The following NLRP6 variants were observed in gnomAD, a reference collection of about 807,000 sequenced individuals.
NLRP6 encodes the protein NACHT, LRR and PYD domains-containing protein 6.
NLRP6 carries 55 observed loss-of-function variants against 70.9 expected under a neutral mutation model. The observed-to-expected ratio is 0.78, with a 90% CI of 0.62 to 0.97. NLRP6 has a LOEUF of 0.97. Ranked by LOEUF, NLRP6 falls within the 50% of genes least tolerant of loss-of-function variation. The probability of loss-of-function intolerance (pLI) is 0.00; values close to 1 mark genes in which losing one functional copy is unlikely to be tolerated. For synonymous variants in NLRP6, 652 were observed against 581.9 expected, an observed-to-expected ratio of 1.12 and a Z score of -1.73; for missense variants, 1,241 against 1,238.3, an observed-to-expected ratio of 1.00 and a Z score of -0.03.
At chr11:279,985 CTG>C (rs1845443531) in intron 3 of NLRP6, 97 bp from the exon 4 acceptor site, 1 of 1,410,842 alleles carries the variant, frequency 7.1e-7, no homozygotes, top group Non-Finnish European at 9.3e-7. Flanking sequence ...GTAGAGGAAA[CTG>C]AGGCCTGAGC....
rs912887504 is a variant in NLRP6, at chr11:284,136, C to T, written c.2199-94C>T. 21 of 1,166,860 alleles carry T rather than the reference C, an allele frequency of 1.8e-5. No individual in the cohort carries two copies. The South Asian group carries it at 2.1e-4, about 12-fold the overall frequency. 72.3% of individuals were successfully genotyped at this position (1,166,860 alleles called of 1,614,324 possible). A position where few individuals can be genotyped will look rare whatever the true frequency, so the allele number is the denominator to read the frequency against. On this transcript the variant is annotated intron_variant, in intron 5 of 7. Coordinates refer to ENST00000534750, the MANE Select transcript of NLRP6 (RefSeq NM_001276700.2). ...GGCACCAACACATCTCTCAGCTGAA[C>T]CCTGGGCCACCGGGCAGCGGGCATT...
intron 2 of NLRP6, 67 bp downstream of exon 2, chr11:279,674 G>T: frequency 7.3e-7 from 1 of 1,363,140 alleles, no homozygotes. Context: ...CCCGCTTCCC[G>T]GAGAAGCCCC....
chr11:280,437 A>G lies in NLRP6; in HGVS notation c.703A>G (p.Met235Val). 1.3e-6 allele frequency: 2 copies of G among 1,592,090 alleles called. No individual in the cohort carries two copies. The highest frequency in any genetic ancestry group is 2.2e-5 in the South Asian group (2 of 90,264). ...GGGCCAGGTGGACTTCGCCTTCTTC[A>G]TGCCCTGCGGCGAGCTGCTGGAGAG... ...YQGQVDFAFF[M>V]PCGELLERPG... The change falls in exon 4 of 8, where the codon ATG (methionine) becomes GTG (valine). Residue 235 changes from methionine (M) to valine (V), a missense_variant. By Grantham distance (21) the Met-to-Val change is conservative. Coordinates refer to ENST00000534750, the MANE Select transcript of NLRP6 (RefSeq NM_001276700.2).
rs564023508 is a variant in NLRP6 at position 280,880 on chromosome 11, C to G, written c.1146C>G (p.Phe382Leu). Reference protein sequence around the residue: ...YRFVKENETLFALCFVPFVCW... With the variant: ...YRFVKENETLLALCFVPFVCW... ...TCGTGAAGGAGAACGAGACGCTGTT[C>G]GCGCTGTGCTTCGTGCCCTTCGTGT... The change falls in exon 4 of 8, where the codon TTC becomes TTG. Residue 382 changes from phenylalanine (F) to leucine (L), a missense_variant. Phe to Leu is a conservative substitution (Grantham distance 22). Transcript: ENST00000534750. 1 of 1,613,400 alleles carries G rather than the reference C, an allele frequency of 6.2e-7. No homozygotes were observed. The highest frequency in any genetic ancestry group is 8.5e-7 in the Non-Finnish European group (1 of 1,179,938).
Position 282,666 on chromosome 11 carries a change from G to A in NLRP6, c.2106-39G>A, listed in dbSNP as rs1416825660. Reference sequence around the variant, plus strand: ...GAGTCCTTTCCGGCAGGCACTGTGAGGAGCAGGGTGGGCTTCACCTTCCTC... The same window carrying A: ...GAGTCCTTTCCGGCAGGCACTGTGAAGAGCAGGGTGGGCTTCACCTTCCTC... On this transcript the variant is annotated intron_variant, in intron 4 of 7. Transcript: ENST00000534750. 4 of 1,502,364 alleles carry A rather than the reference G, an allele frequency of 2.7e-6. No individual in the cohort carries two copies. In the East Asian group the frequency reaches 6.8e-5, roughly 25 times the overall value. The allele number at this position is 1,502,364 out of a possible 1,614,324, so 93.1% of individuals were successfully genotyped here. A position where few individuals can be genotyped will look rare whatever the true frequency, so the allele number is the denominator to read the frequency against.
intron 5 of NLRP6, among the ~76,000 whole-genome samples, chr11:283,972 G>A (rs965469060): frequency 6.6e-6 from 1 of 152,102 alleles, no homozygotes; most frequent in Non-Finnish European, 1.5e-5. Flanking sequence ...GTGGACGATT[G>A]TGCGGCAAAC....
rs1845544494 is a variant in NLRP6, at chr11:285,387, T to C, written c.*83T>C. 4.8e-6 allele frequency: 7 copies of C among 1,451,648 alleles called. No homozygotes were observed. The South Asian group carries it at 4.9e-5, about 10-fold the overall frequency. 89.9% of individuals were successfully genotyped at this position (1,451,648 alleles called of 1,614,324 possible). A position where few individuals can be genotyped will look rare whatever the true frequency, so the allele number is the denominator to read the frequency against. ...GGCCCATTCCAAGGGCAGGAGGATATTGCTCTCGGCCTTTGGGAAACTTTT... is the reference window on the plus strand; with the variant it reads ...GGCCCATTCCAAGGGCAGGAGGATACTGCTCTCGGCCTTTGGGAAACTTTT... On this transcript the variant is annotated 3_prime_UTR_variant, in exon 8 of 8. Transcript: ENST00000534750.
chr11:282,854 G>A (rs1458366177), intron 5 of NLRP6, 57 bp downstream of exon 5: 1 of 1,246,148 alleles, frequency 8.0e-7, no homozygotes, highest in Non-Finnish European at 1.2e-6. Context: ...AGGATGCCCT[G>A]GGCAGAGACG....
chr11:279,195 T>C (rs1268305655), intron 1 of NLRP6, 132 bp from the exon 2 acceptor site: 2 of 794,650 alleles, frequency 2.5e-6, no homozygotes, highest in Admixed American at 8.8e-5. Context: ...CGCCACCCCA[T>C]GGATCCAGAC....
chr11:282,458 C>T (rs1367192370), intron 4 of NLRP6, among the ~76,000 whole-genome samples: 1 of 152,168 alleles, frequency 6.6e-6, no homozygotes, highest in Non-Finnish European at 1.5e-5. Context: ...ACCCAAAGAC[C>T]CATGTAGAGG....
Position 285,314 on chromosome 11 carries a change from G to A in NLRP6, c.*10G>A. 6.2e-7 allele frequency: 1 copy of A among 1,605,720 alleles called. No individual in the cohort carries two copies. The highest frequency in any genetic ancestry group is 8.5e-7 in the Non-Finnish European group (1 of 1,175,680). The stretch of plus-strand genomic sequence containing the variant: ...CATCTCGACCTTCTGAGGCTCTGGT[G>A]GCCAGAGCAGGGTGGAAGACCCTAG... On this transcript the variant is annotated 3_prime_UTR_variant, in exon 8 of 8. Transcript: ENST00000534750.
At chr11:279,147 G>T (rs890173639) in intron 1 of NLRP6, 180 bp from the exon 2 acceptor site, 4 of 492,710 alleles carry the variant, frequency 8.1e-6, no homozygotes, top group Non-Finnish European at 1.3e-5. Flanking sequence ...GGGGACGGGG[G>T]AGGGAAAAGT....
At chr11:283,293 G>A (rs1845504130) in intron 5 of NLRP6, among the ~76,000 whole-genome samples, 1 of 151,488 alleles carries the variant, frequency 6.6e-6, no homozygotes, top group Admixed American at 6.6e-5. Context: ...GATTTAATGT[G>A]GCTACACATG....
Position 278,561 on chromosome 11 carries a change from A to G in NLRP6, c.-9A>G, listed in dbSNP as rs1375793137. ...CCCGGAGTGCTAGACCCAGGGAGGA[A>G]GAGACCCCATGGACCAGCCAGAGGC... On this transcript the variant is annotated 5_prime_UTR_variant, in exon 1 of 8. Coordinates refer to ENST00000534750, the MANE Select transcript of NLRP6 (RefSeq NM_001276700.2). The surrounding 1 kb of genome is among the most constrained non-coding windows in gnomAD (Gnocchi z 4.7). The G allele has an allele frequency of 1.3e-6, 2 of 1,587,518 alleles. No individual in the cohort carries two copies. The highest frequency in any genetic ancestry group is 1.7e-6 in the Non-Finnish European group (2 of 1,167,988).
chr11:281,280 G>T lies in NLRP6; in HGVS notation c.1546G>T (p.Gly516Cys). 6.2e-7 allele frequency: 1 copy of T among 1,609,814 alleles called. No individual in the cohort carries two copies. The highest frequency in any genetic ancestry group is 1.3e-5 in the African/African-American group (1 of 74,990). ...GGCACTGTCCTACCTGCTGGAGGAC[G>T]GCGGGGTGCCCAGGACCGCGGCTGG... ...LAALSYLLEDGGVPRTAAGGV... is the reference protein window; with the variant it reads ...LAALSYLLEDCGVPRTAAGGV... Residue 516 changes from glycine (G) to cysteine (C), a missense_variant, in exon 4 of 8, where the codon GGC (glycine) becomes TGC (cysteine). Transcript: ENST00000534750.
Position 284,498 on chromosome 11 carries a change from G to C in NLRP6, c.2393G>C (p.Arg798Pro). The change falls in exon 7 of 8, where the codon CGA (arginine) becomes CCA (proline). Residue 798 changes from arginine to proline, a missense_variant. By Grantham distance (103) the Arg-to-Pro change is moderately radical. Transcript: ENST00000534750. Reference protein sequence around the residue: ...TVRVQLPDPQRGLQYLVGMLR... With the variant: ...TVRVQLPDPQPGLQYLVGMLR... The stretch of plus-strand genomic sequence containing the variant: ...AGGGTACAGCTGCCTGACCCCCAGC[G>C]AGGGCTCCAGTACCTGGTGGGTATG... 1.9e-6 allele frequency: 3 copies of C among 1,612,922 alleles called. No homozygotes were observed. Among genetic ancestry groups the C allele is most frequent in the Non-Finnish European group, 2.5e-6 (3 of 1,179,812 alleles).
rs981550263 is a variant in NLRP6 at position 284,769 on chromosome 11, T to G, written c.2537+127T>G. 3 of 896,266 alleles carry G rather than the reference T, an allele frequency of 3.3e-6. No individual in the cohort carries two copies. The African/African-American group carries it at 5.0e-5, about 15-fold the overall frequency. The allele number at this position is 896,266 out of a possible 1,614,324, so 55.5% of individuals were successfully genotyped here. A position where few individuals can be genotyped will look rare whatever the true frequency, so the allele number is the denominator to read the frequency against. On this transcript the variant is annotated intron_variant, in intron 7 of 7. Coordinates refer to ENST00000534750, the MANE Select transcript of NLRP6 (RefSeq NM_001276700.2). ...CCAGAGACCTCCCATGTGACTGAGCTCAAACACTGACCTGGGAGCCCAGCC... is the reference window on the plus strand; with the variant it reads ...CCAGAGACCTCCCATGTGACTGAGCGCAAACACTGACCTGGGAGCCCAGCC...
At chr11:279,218 G>A in intron 1 of NLRP6, 109 bp from the exon 2 acceptor site, 5 of 952,724 alleles carry the variant, frequency 5.2e-6, no homozygotes, top group Non-Finnish European at 6.8e-6. Context: ...TGCTTGGCCC[G>A]GGACTCCCTG....
rs1166553731 is a variant in NLRP6, at chr11:281,087, G to A, written c.1353G>A (p.Glu451=). Residue 451 remains glutamate, a synonymous_variant, in exon 4 of 8, where the codon GAG becomes GAA. Transcript: ENST00000534750. ...GCAATCTGTGCCGCCTGGCCCGCGA[G>A]GGCGTCCTCGGACGCAGGGCGCAGT... ...DLRNLCRLAR[E]GVLGRRAQFA... 3.7e-6 allele frequency: 6 copies of A among 1,612,666 alleles called. No individual in the cohort carries two copies. The highest frequency in any genetic ancestry group is 5.1e-6 in the Non-Finnish European group (6 of 1,179,706).
Sources: gnomAD v4.1 joint callset for allele counts (sites outside exome capture counted in the v4.1 genomes callset) on GRCh38, gnomAD v4.1.1 for gene constraint, Gnocchi (gnomAD v3.1) non-coding constraint, MANE v1.5 for transcripts, NCBI Gene and HGNC (gene_info 2026-07-23, HGNC 2026-07-21) for gene names.